Variants in MGAT5 observed in about 807,000 individuals in gnomAD.
MGAT5 encodes alpha-1,6-mannosylglycoprotein 6-beta-N-acetylglucosaminyltransferase.
A neutral mutation model predicts 94.3 loss-of-function variants in MGAT5; 30 were observed. The observed-to-expected ratio is 0.32, with a 90% CI of 0.24 to 0.43. The LOEUF is 0.43. MGAT5 is among the 20% of genes least tolerant of loss of function. The probability of loss-of-function intolerance (pLI) is 1.00; values close to 1 mark genes in which losing one functional copy is unlikely to be tolerated. For synonymous variants in MGAT5, 310 were observed against 322.9 expected, an observed-to-expected ratio of 0.96 and a Z score of 0.43; for missense variants, 691 against 905.5, an observed-to-expected ratio of 0.76 and a Z score of 3.04.
At chr2:134,392,793 T>C (rs754989923) in intron 10 of MGAT5, among the ~76,000 whole-genome samples, 21 of 152,218 alleles carry the variant, frequency 1.4e-4, no homozygotes, top group Non-Finnish European at 2.9e-4. Context: ...AGCTTAAAAT[T>C]AGAAATGCAC....
intron 1 of MGAT5, among the ~76,000 whole-genome samples, chr2:134,244,390 G>T (rs1275421563): frequency 6.6e-6 from 1 of 151,768 alleles, no homozygotes; most frequent in Non-Finnish European, 1.5e-5. Flanking sequence ...ATTGATTTAT[G>T]GACCAGGTCT....
intron 1 of MGAT5, among the ~76,000 whole-genome samples, chr2:134,148,489 C>G (rs186768441): frequency 1.3e-5 from 2 of 152,192 alleles, no homozygotes. Flanking sequence ...CTTTCTGATT[C>G]TTTAAATAAG....
intron 2 of MGAT5, among the ~76,000 whole-genome samples, chr2:134,308,224 G>A (rs1686446158): frequency 6.6e-6 from 1 of 152,054 alleles, no homozygotes; most frequent in African/African-American, 2.4e-5. Context: ...TTTCTCTCCT[G>A]TCTACTTCTA....
At chr2:134,446,058 A>C (rs1574119816) in intron 15 of MGAT5, among the ~76,000 whole-genome samples, 1 of 152,252 alleles carries the variant, frequency 6.6e-6, no homozygotes, top group African/African-American at 2.4e-5. Context: ...AGAGCCCTGC[A>C]TTCCACAGCC....
At position 134,271,316 on chromosome 2, in the gene MGAT5, G is replaced by T. The variant is rs373890509; in HGVS notation, c.406+766G>T. Reference sequence around the variant, plus strand: ...GGACTGCTCTTGTTAGGGTGACCACGATTTTCTGGGGACCCAGGACAAAGT... The same window carrying T: ...GGACTGCTCTTGTTAGGGTGACCACTATTTTCTGGGGACCCAGGACAAAGT... On this transcript the variant is annotated intron_variant, in intron 2 of 15. Coordinates refer to ENST00000281923, the MANE Select transcript of MGAT5 (RefSeq NM_002410.5). Among the ~76,000 whole-genome samples the T allele has an allele frequency of 1.4e-4, 22 of 151,922 alleles. No homozygotes were observed. In the East Asian group the frequency reaches 3.9e-3, roughly 27 times the overall value.
intron 1 of MGAT5, among the ~76,000 whole-genome samples, chr2:134,257,836 C>CTTTTTTTTTT (rs10628858): frequency 1.3e-4 from 14 of 106,414 alleles, no homozygotes; most frequent in African/African-American, 3.3e-4. Context: ...TTTGCAGTCT[C>CTTTTTTTTTT]TTTTTTTTTT....
In MGAT5 at chr2:134,176,970, G is replaced by A. The variant is rs530910532; in HGVS notation, c.-143+56679G>A. Reference sequence around the variant, plus strand: ...CTCCCGACAGGACATGTGGGACCAGGAACAGGTGCTTGTTTCTGAGCCTTT... The same window carrying A: ...CTCCCGACAGGACATGTGGGACCAGAAACAGGTGCTTGTTTCTGAGCCTTT... On this transcript the variant is annotated intron_variant, in intron 1 of 16. Coordinates refer to the MGAT5 transcript ENST00000409645. Among the ~76,000 whole-genome samples, 200 of 152,328 alleles carry A rather than the reference G, an allele frequency of 1.3e-3. 2 individuals are homozygous for A. The highest frequency in any genetic ancestry group is 2.2e-3 in the Non-Finnish European group (150 of 68,042).
chr2:134,344,822 A>G, intron 7 of MGAT5, 108 bp from the exon 8 acceptor site: 3 of 1,364,564 alleles, frequency 2.2e-6, no homozygotes, highest in Non-Finnish European at 3.0e-6. Context: ...TGTCATCTCT[A>G]AAAAGGATTT....
At chr2:134,246,291 G>T (rs1298127834) in intron 1 of MGAT5, among the ~76,000 whole-genome samples, 1 of 152,100 alleles carries the variant, frequency 6.6e-6, no homozygotes, top group East Asian at 1.9e-4. Context: ...GAAGAGAGTT[G>T]GTGGCATCAC....
chr2:134,306,347 C>A (rs962314925), intron 2 of MGAT5, among the ~76,000 whole-genome samples: 2 of 152,094 alleles, frequency 1.3e-5, no homozygotes, highest in Non-Finnish European at 2.9e-5. Context: ...GTCTTCCAGT[C>A]TCAAAGCTGC....
intron 1 of MGAT5, among the ~76,000 whole-genome samples, chr2:134,166,050 A>C (rs1420327217): frequency 6.6e-6 from 1 of 152,196 alleles, no homozygotes; most frequent in African/African-American, 2.4e-5. Flanking sequence ...ATTAAGGGGA[A>C]TAGGATTGGC....
At chr2:134,180,950 T>C (rs1414899639) in intron 1 of MGAT5, among the ~76,000 whole-genome samples, 1 of 152,238 alleles carries the variant, frequency 6.6e-6, no homozygotes, top group Non-Finnish European at 1.5e-5. Flanking sequence ...GCAGATACTT[T>C]CTCAGCGATA....
intron 2 of MGAT5, among the ~76,000 whole-genome samples, chr2:134,273,788 T>C (rs750910348): frequency 1.7e-4 from 26 of 152,182 alleles, no homozygotes; most frequent in Non-Finnish European, 3.2e-4. Context: ...GAAATGAGCT[T>C]TATTAAAATC....
intron 1 of MGAT5, among the ~76,000 whole-genome samples, chr2:134,170,122 C>T (rs540033896): frequency 4.9e-4 from 75 of 152,134 alleles, no homozygotes; most frequent in African/African-American, 1.6e-3. Flanking sequence ...CATTTAGGCC[C>T]GAGGCATGTG....
chr2:134,383,097 G>A (rs903342326), intron 10 of MGAT5, among the ~76,000 whole-genome samples: 3 of 152,178 alleles, frequency 2.0e-5, no homozygotes, highest in African/African-American at 7.2e-5. Context: ...TGTGGAGCCT[G>A]CATTTAACTT....
At chr2:134,413,641 G>A (rs1282714355) in intron 12 of MGAT5, among the ~76,000 whole-genome samples, 1 of 152,312 alleles carries the variant, frequency 6.6e-6, no homozygotes, top group Non-Finnish European at 1.5e-5. Flanking sequence ...TTACAGCTAC[G>A]TGTGAGTGAT....
intron 1 of MGAT5, among the ~76,000 whole-genome samples, chr2:134,163,985 A>G (rs150815892): frequency 1.3e-5 from 2 of 152,348 alleles, no homozygotes; most frequent in East Asian, 1.9e-4. Context: ...ATAGGGGACA[A>G]TGAACAACAG....
At chr2:134,164,839 C>A (rs1347665021) in intron 1 of MGAT5, among the ~76,000 whole-genome samples, 50 of 131,816 alleles carry the variant, frequency 3.8e-4, no homozygotes, top group Admixed American at 4.6e-4. Flanking sequence ...ACACCCGTCT[C>A]AAAAAAAAAA....
intron 1 of MGAT5, among the ~76,000 whole-genome samples, chr2:134,257,164 G>A (rs1683016680): frequency 6.6e-6 from 1 of 152,172 alleles, no homozygotes; most frequent in Non-Finnish European, 1.5e-5. Context: ...TACTAAGAGT[G>A]GAAGCCACAA....
Sources: allele counts gnomAD v4.1 joint callset (sites outside exome capture counted in the v4.1 genomes callset), GRCh38; gene constraint gnomAD v4.1.1; transcripts MANE v1.5; gene names NCBI Gene and HGNC (gene_info 2026-07-23, HGNC 2026-07-21).